Variants in VWF observed in about 807,000 individuals in gnomAD.
VWF encodes the protein Factor VIII related antigen.
In VWF, 176 loss-of-function variants were observed where a neutral mutation model predicts 308.6. That is an observed-to-expected ratio of 0.57 (90% CI 0.50 to 0.65). The LOEUF (loss-of-function observed/expected upper bound fraction) is 0.65, where lower values mean the gene tolerates loss of function less well. VWF is among the 30% of genes least tolerant of loss of function. The pLI is 0.00. For synonymous variants in VWF, 1,385 were observed against 1,443.4 expected, an observed-to-expected ratio of 0.96 and a Z score of 0.92; for missense variants, 3,146 against 3,648.2, an observed-to-expected ratio of 0.86 and a Z score of 3.55.
At chr12:6,030,943 C>T (rs190774660) in intron 21 of VWF, among the ~76,000 whole-genome samples, 22 of 152,226 alleles carry the variant, frequency 1.4e-4, no homozygotes, top group African/African-American at 4.6e-4. Flanking sequence ...GCAGGAGAAT[C>T]GTTTGAACCC....
chr12:6,039,401 G>A (rs980832311), intron 18 of VWF, among the ~76,000 whole-genome samples: 3 of 152,110 alleles, frequency 2.0e-5, no homozygotes, highest in East Asian at 3.8e-4. Context: ...GAACACCATC[G>A]TGACCCACTC....
At chr12:5,970,110 GC>G (rs2136357058) in intron 44 of VWF, among the ~76,000 whole-genome samples, 1 of 152,208 alleles carries the variant, frequency 6.6e-6, no homozygotes, top group African/African-American at 2.4e-5. Flanking sequence ...AACACTTGCA[GC>G]CATTCTCTTC....
intron 46 of VWF, 78 bp downstream of exon 46, chr12:5,968,049 G>T (rs1943423814): frequency 1.3e-6 from 2 of 1,592,546 alleles, no homozygotes; most frequent in South Asian, 2.2e-5. Flanking sequence ...GCTTTACAAT[G>T]ACTTGCCTGC....
At chr12:6,099,382 A>G (rs1945137883) in intron 5 of VWF, among the ~76,000 whole-genome samples, 1 of 151,630 alleles carries the variant, frequency 6.6e-6, no homozygotes, top group African/African-American at 2.4e-5. Context: ...TAAGTTCTGG[A>G]TAAGTGAGGA....
At chr12:5,995,019 T>C (rs1467355586) in intron 35 of VWF, among the ~76,000 whole-genome samples, 1 of 152,204 alleles carries the variant, frequency 6.6e-6, no homozygotes, top group African/African-American at 2.4e-5. Flanking sequence ...AAGGACATTT[T>C]TGCTTCTCTG....
At chr12:5,988,257 CTAAA>C (rs1207876133) in intron 38 of VWF, among the ~76,000 whole-genome samples, 2 of 152,114 alleles carry the variant, frequency 1.3e-5, no homozygotes, top group Non-Finnish European at 2.9e-5. Context: ...CAGAGAAGAG[CTAAA>C]TAAAGACAAC....
At chr12:6,026,170 C>T (rs745572577) in intron 22 of VWF, 124 bp from the exon 23 acceptor site, 58 of 1,426,464 alleles carry the variant, frequency 4.1e-5, no homozygotes, top group Middle Eastern at 1.9e-4. Context: ...GGAGGAGGAG[C>T]GGGACAGAGA....
At chr12:5,963,902 T>G (rs1489838566) in intron 47 of VWF, among the ~76,000 whole-genome samples, 1 of 152,090 alleles carries the variant, frequency 6.6e-6, no homozygotes, top group Non-Finnish European at 1.5e-5. Context: ...TTAAACAATT[T>G]TAATAAAATA....
intron 43 of VWF, 34 bp from the exon 44 acceptor site, chr12:5,971,743 C>G: frequency 6.3e-7 from 1 of 1,590,346 alleles, no homozygotes; most frequent in African/African-American, 1.3e-5. Flanking sequence ...TAAGGACAGG[C>G]CAGCAGCAAA....
At position 6,034,974 on chromosome 12, in the gene VWF, G is replaced by A. The variant is rs74056791; in HGVS notation, c.2547-148C>T. 3.0e-3 allele frequency: 2,888 copies of A among 978,586 alleles called. 69 individuals carry two copies. The African/African-American group carries it at 0.041, about 14-fold the overall frequency. The allele number at this position is 978,586 out of a possible 1,614,324, so 60.6% of individuals were successfully genotyped here. A position where few individuals can be genotyped will look rare whatever the true frequency, so the allele number is the denominator to read the frequency against. On this transcript the variant is annotated intron_variant, in intron 19 of 51. Coordinates refer to ENST00000261405, the MANE Select transcript of VWF (RefSeq NM_000552.5). ...CAAGGAAGTTGAGGACCTGTAGCGT[G>A]GAGTGTGGACTTCATAGGCCCAGTA...
At chr12:5,973,968 C>T (rs1943506014) in intron 43 of VWF, among the ~76,000 whole-genome samples, 1 of 152,190 alleles carries the variant, frequency 6.6e-6, no homozygotes, top group Non-Finnish European at 1.5e-5. Context: ...GCCAATGCCC[C>T]TGCTTGCCTG....
chr12:6,108,364 CACAA>C (rs1409648047), intron 5 of VWF, among the ~76,000 whole-genome samples: 2 of 147,352 alleles, frequency 1.4e-5, no homozygotes, highest in Non-Finnish European at 3.0e-5. Context: ...CACACACACA[CACAA>C]AGCAAAATTT....
At chr12:5,977,847 G>T (rs932393775) in intron 42 of VWF, among the ~76,000 whole-genome samples, 1 of 150,168 alleles carries the variant, frequency 6.7e-6, no homozygotes, top group Admixed American at 6.6e-5. Context: ...TTGTGCCTGG[G>T]TGACAGAGCA....
At chr12:5,961,583 C>T (rs1478254628) in intron 47 of VWF, among the ~76,000 whole-genome samples, 4 of 109,872 alleles carry the variant, frequency 3.6e-5, no homozygotes, top group African/African-American at 1.7e-4. Flanking sequence ...TAGGAATCTG[C>T]CCCCTCAAAA....
At chr12:6,038,840 G>A (rs1429562076) in intron 18 of VWF, among the ~76,000 whole-genome samples, 1 of 152,216 alleles carries the variant, frequency 6.6e-6, no homozygotes, top group Admixed American at 6.5e-5. Flanking sequence ...AATCTTCAAT[G>A]AGAGGAAAGG....
chr12:6,052,785 T>C lies in VWF; in HGVS notation c.1946-2A>G. 3 of 1,512,984 alleles carry C rather than the reference T, an allele frequency of 2.0e-6. No homozygotes were observed. The highest frequency in any genetic ancestry group is 2.6e-6 in the Non-Finnish European group (3 of 1,136,338). 93.7% of individuals were successfully genotyped at this position (1,512,984 alleles called of 1,614,324 possible). On this transcript the variant is annotated splice_acceptor_variant, in intron 15 of 51. Transcript: ENST00000261405. LOFTEE classifies it high-confidence loss of function. ...CCTGGCCTTTCGGGCAGTTCAGCTCTAGAAGAGAGAGGAGAAGTAAGGCCT... is the reference window on the plus strand; with the variant it reads ...CCTGGCCTTTCGGGCAGTTCAGCTCCAGAAGAGAGAGGAGAAGTAAGGCCT...
In VWF at chr12:6,016,211, A is replaced by T. The variant is rs1944055084; in HGVS notation, c.5333T>A (p.Val1778Glu). The T allele has an allele frequency of 1.2e-5, 19 of 1,614,192 alleles. No homozygotes were observed. Among genetic ancestry groups the T allele is most frequent in the Non-Finnish European group, 1.4e-5 (17 of 1,180,024 alleles). Residue 1778 changes from valine (V) to glutamate (E), a missense_variant, in exon 31 of 52, where the codon GTG becomes GAG. Transcript: ENST00000261405. ...SQIGDALGFA[V>E]RYLTSEMHGA... ...ATGCATTTCTGAAGTCAAGTATCGC[A>T]CAGCAAAGCCCAAGGCATCCCCTGA...
Position 6,044,466 on chromosome 12 carries a change from A to T in VWF, c.2282-15T>A, listed in dbSNP as rs1280382551. On this transcript the variant is annotated splice_polypyrimidine_tract_variant and intron_variant, in intron 17 of 51. Coordinates refer to ENST00000261405, the MANE Select transcript of VWF (RefSeq NM_000552.5). ...GCTCCTTTTGCCTCGAAGGTAGGAA[A>T]AGCAAAGAGATGATTAGTGAAGGAG... 6.2e-7 allele frequency: 1 copy of T among 1,613,444 alleles called. No individual in the cohort carries two copies. Among genetic ancestry groups the T allele is most frequent in the Non-Finnish European group, 8.5e-7 (1 of 1,179,806 alleles).
At chr12:6,071,007 T>C (rs908326134) in intron 10 of VWF, among the ~76,000 whole-genome samples, 10 of 152,254 alleles carry the variant, frequency 6.6e-5, no homozygotes, top group African/African-American at 2.4e-4. Flanking sequence ...GCCTTACAGC[T>C]CATCAACCTT....
Sources: gnomAD v4.1 joint callset for allele counts (sites outside exome capture counted in the v4.1 genomes callset) on GRCh38, gnomAD v4.1.1 for gene constraint, MANE v1.5 for transcripts, NCBI Gene and HGNC (gene_info 2026-07-23, HGNC 2026-07-21) for gene names.